The following FER variants were observed in gnomAD, a reference collection of about 807,000 sequenced individuals.
FER encodes tyrosine-protein kinase Fer.
In FER, 63 loss-of-function variants were observed where a neutral mutation model predicts 111.0. That is an observed-to-expected ratio of 0.57 (90% CI 0.46 to 0.70). FER has a LOEUF of 0.70. Ranked by LOEUF, FER falls within the 30% of genes least tolerant of loss-of-function variation. FER has a pLI of 0.00. For synonymous variants in FER, 327 were observed against 313.9 expected, an observed-to-expected ratio of 1.04 and a Z score of -0.44; for missense variants, 914 against 954.0, an observed-to-expected ratio of 0.96 and a Z score of 0.55.
intron 13 of FER, among the ~76,000 whole-genome samples, chr5:108,990,743 C>G (rs1763069321): frequency 6.6e-6 from 1 of 151,532 alleles, no homozygotes; most frequent in Non-Finnish European, 1.5e-5. Context: ...AGTAATTATT[C>G]AGTGAAATAG....
At chr5:108,927,159 C>A (rs1358034754) in intron 10 of FER, among the ~76,000 whole-genome samples, 1 of 151,502 alleles carries the variant, frequency 6.6e-6, no homozygotes, top group African/African-American at 2.4e-5. Flanking sequence ...TAAATTTGGC[C>A]TTTGAAAGCT....
chr5:109,173,765 C>T (rs897425345), intron 17 of FER, among the ~76,000 whole-genome samples: 3 of 148,124 alleles, frequency 2.0e-5, no homozygotes, highest in East Asian at 2.1e-4. Context: ...CTCCCCCCCC[C>T]CCACAAGTAA....
chr5:108,907,410 C>T (rs1028546809), intron 10 of FER, among the ~76,000 whole-genome samples: 1 of 151,922 alleles, frequency 6.6e-6, no homozygotes, highest in Admixed American at 6.6e-5. Flanking sequence ...TTCTTGGGCT[C>T]AGCCTTCCGA....
intron 16 of FER, among the ~76,000 whole-genome samples, chr5:109,087,787 G>T (rs1163713791): frequency 1.3e-5 from 2 of 151,524 alleles, no homozygotes; most frequent in Non-Finnish European, 3.0e-5. Flanking sequence ...GCAACATGTT[G>T]TATGTATGTG....
chr5:108,832,795 C>T lies in FER; in HGVS notation c.233C>T (p.Thr78Ile). The T allele has an allele frequency of 6.6e-7, 1 of 1,519,166 alleles. No homozygotes were observed. 94.1% of individuals were successfully genotyped at this position (1,519,166 alleles called of 1,614,324 possible). A position where few individuals can be genotyped will look rare whatever the true frequency, so the allele number is the denominator to read the frequency against. ...SKSWLLMIQQ[T>I]EQLSRIMKTH... is the part of the protein sequence containing the mutation. ...TCTTGGCTACTTATGATTCAGCAGA[C>T]AGAACAACTTAGTAGGATAATGAAG... Residue 78 changes from threonine to isoleucine, a missense_variant, in exon 4 of 20, where the codon ACA (threonine) becomes ATA (isoleucine). Thr to Ile is a moderately conservative substitution (Grantham distance 89, BLOSUM62 -1). Coordinates refer to ENST00000281092, the MANE Select transcript of FER (RefSeq NM_005246.4).
chr5:108,988,093 T>C (rs141990090), intron 13 of FER, among the ~76,000 whole-genome samples: 111 of 152,308 alleles, frequency 7.3e-4, no homozygotes, highest in African/African-American at 2.6e-3. Context: ...TGTATTACGT[T>C]TATTGACTTG....
intron 12 of FER, among the ~76,000 whole-genome samples, chr5:108,957,546 A>T (rs1458881487): frequency 6.6e-6 from 1 of 151,642 alleles, no homozygotes; most frequent in African/African-American, 2.4e-5. Context: ...CAGTATGGAG[A>T]TTTCTCAAAA....
chr5:109,000,487 C>T (rs1225924859), intron 13 of FER, among the ~76,000 whole-genome samples: 3 of 151,978 alleles, frequency 2.0e-5, no homozygotes, highest in East Asian at 1.9e-4. Flanking sequence ...CAGAATCTCT[C>T]GGACACATTC....
At chr5:108,758,749 A>G (rs928850153) in intron 1 of FER, among the ~76,000 whole-genome samples, 10 of 152,204 alleles carry the variant, frequency 6.6e-5, no homozygotes, top group Non-Finnish European at 1.3e-4. Context: ...GTGGTCAGCT[A>G]TGTCTAAGCC....
chr5:109,052,091 C>T (rs1772922290), intron 16 of FER: 9 of 1,603,040 alleles, frequency 5.6e-6, no homozygotes, highest in Non-Finnish European at 7.7e-6. Flanking sequence ...TGCATCTCCA[C>T]ATTGACACCA....
intron 13 of FER, among the ~76,000 whole-genome samples, chr5:109,035,455 G>T (rs1032858770): frequency 6.6e-6 from 1 of 152,282 alleles, no homozygotes; most frequent in Non-Finnish European, 1.5e-5. Flanking sequence ...GTGCTCTGTT[G>T]TATGCATCTG....
At chr5:108,748,163 G>C (rs1422699471) in intron 1 of FER, among the ~76,000 whole-genome samples, 163 bp downstream of exon 1, 2 of 152,248 alleles carry the variant, frequency 1.3e-5, no homozygotes, top group Non-Finnish European at 1.5e-5. Flanking sequence ...GAGTAAACTG[G>C]AGTTGCTGAA....
At chr5:108,923,626 A>T (rs1753331346) in intron 10 of FER, among the ~76,000 whole-genome samples, 1 of 152,198 alleles carries the variant, frequency 6.6e-6, no homozygotes, top group Non-Finnish European at 1.5e-5. Flanking sequence ...AGCAATTAAC[A>T]AATCATTATA....
chr5:109,051,499 C>A (rs947270395), intron 16 of FER: 4 of 1,609,966 alleles, frequency 2.5e-6, no homozygotes, highest in Non-Finnish European at 3.4e-6. Flanking sequence ...TCCCGCCTGC[C>A]CCATTCGATT....
chr5:108,864,629 G>T (rs1380744358), intron 5 of FER, among the ~76,000 whole-genome samples: 2 of 152,152 alleles, frequency 1.3e-5, no homozygotes, highest in Non-Finnish European at 2.9e-5. Flanking sequence ...TTTCCCCAGT[G>T]CTTGTTTTTG....
At chr5:108,987,015 A>G (rs1443847814) in intron 13 of FER, among the ~76,000 whole-genome samples, 1 of 151,748 alleles carries the variant, frequency 6.6e-6, no homozygotes, top group East Asian at 1.9e-4. Flanking sequence ...AATTGCATTG[A>G]ATTTGTAGAT....
At chr5:108,859,917 T>C (rs1445327539) in intron 5 of FER, among the ~76,000 whole-genome samples, 1 of 141,116 alleles carries the variant, frequency 7.1e-6, no homozygotes, top group African/African-American at 2.8e-5. Flanking sequence ...GATATGTATA[T>C]ACCTATTATT....
At chr5:109,182,007 G>A (rs1401249159) in intron 18 of FER, among the ~76,000 whole-genome samples, 2 of 152,164 alleles carry the variant, frequency 1.3e-5, no homozygotes, top group African/African-American at 2.4e-5. Flanking sequence ...TACGGTATGC[G>A]ATATCTTGTG....
At chr5:109,024,995 C>T (rs530756797) in intron 13 of FER, among the ~76,000 whole-genome samples, 35 of 151,962 alleles carry the variant, frequency 2.3e-4, no homozygotes, top group South Asian at 1.0e-3. Context: ...GTTTTGGTAC[C>T]AGTACCATGC....
Sources: allele counts gnomAD v4.1 joint callset (sites outside exome capture counted in the v4.1 genomes callset), GRCh38; gene constraint gnomAD v4.1.1; transcripts MANE v1.5; gene names NCBI Gene and HGNC (gene_info 2026-07-23, HGNC 2026-07-21).